Variants in CATSPER3 observed in about 807,000 individuals in gnomAD.
CATSPER3 encodes cation channel sperm associated 3, also known as cation channel sperm-associated protein 3.
In CATSPER3, 23 loss-of-function variants were observed where a neutral mutation model predicts 36.6. The ratio of observed to expected loss-of-function variants is 0.63; its 90% CI spans 0.45 to 0.89. The LOEUF (loss-of-function observed/expected upper bound fraction) is 0.89. CATSPER3 is among the 40% of genes least tolerant of loss of function. CATSPER3 has a pLI of 0.00. For synonymous variants in CATSPER3, 172 were observed against 184.1 expected, an observed-to-expected ratio of 0.93 and a Z score of 0.53; for missense variants, 474 against 503.9, an observed-to-expected ratio of 0.94 and a Z score of 0.57.
intron 3 of CATSPER3, 149 bp from the exon 4 acceptor site, chr5:135,007,808 A>ACCCCCC: frequency 1.2e-5 from 1 of 85,506 alleles, no homozygotes; most frequent in Non-Finnish European, 2.2e-5. Flanking sequence ...CAACCAACCC[A>ACCCCCC]CCCACCCACC....
rs772232918 is a variant in CATSPER3 at position 134,968,036 on chromosome 5, T to G, written c.45T>G (p.Ser15Arg). 6.2e-7 allele frequency: 1 copy of G among 1,614,092 alleles called. No homozygotes were observed. Among genetic ancestry groups the G allele is most frequent in the Non-Finnish European group, 8.5e-7 (1 of 1,179,964 alleles). ...AGCGCCACTCGAGAGTCATTTCTAG[T>G]TCACCAGTTGACACTACATCGGTGG... ...RHQRHSRVIS[S>R]SPVDTTSVGF... is the part of the protein sequence containing the mutation. Residue 15 changes from serine to arginine, a missense_variant, in exon 1 of 8, where the codon AGT becomes AGG. By Grantham distance (110) the Ser-to-Arg change is moderately radical. Coordinates refer to ENST00000282611, the MANE Select transcript of CATSPER3 (RefSeq NM_178019.3).
chr5:135,009,257 GA>G (rs1376827153), intron 5 of CATSPER3, 113 bp from the exon 6 acceptor site: 17 of 1,185,994 alleles, frequency 1.4e-5, no homozygotes, highest in African/African-American at 3.0e-5. Flanking sequence ...CCTGTGTGGG[GA>G]AAAGTGCTCC....
At chr5:134,974,136 C>T (rs531837326) in intron 2 of CATSPER3, among the ~76,000 whole-genome samples, 1 of 152,230 alleles carries the variant, frequency 6.6e-6, no homozygotes, top group East Asian at 1.9e-4. Flanking sequence ...AAGAACAGCA[C>T]CTCTAATCTT....
At chr5:135,003,730 G>A (rs1190288608) in intron 3 of CATSPER3, among the ~76,000 whole-genome samples, 2 of 152,234 alleles carry the variant, frequency 1.3e-5, no homozygotes, top group African/African-American at 4.8e-5. Flanking sequence ...GCAAGTCTCC[G>A]TGAGCATGGG....
chr5:134,969,915 A>C lies in CATSPER3; in HGVS notation c.99-24A>C, dbSNP rs765524134. 1.9e-6 allele frequency: 3 copies of C among 1,613,872 alleles called. No individual in the cohort carries two copies. The Admixed American group carries it at 5.0e-5, about 27-fold the overall frequency. ...TCTAGCTCTATTGTGCTGTAACCATACTTCACATTCAACTTTTTGACAGGA... is the reference window on the plus strand; with the variant it reads ...TCTAGCTCTATTGTGCTGTAACCATCCTTCACATTCAACTTTTTGACAGGA... On this transcript the variant is annotated intron_variant, in intron 1 of 7. Transcript: ENST00000282611.
rs149447999 is a variant in CATSPER3, at chr5:135,006,108, G to A, written c.493-1849G>A. On this transcript the variant is annotated intron_variant, in intron 3 of 7. Transcript: ENST00000282611. ...CAAAACTTAGAACTTCCTCAGGAGG[G>A]AGCTACTGGCCTAAGGGGAACTGGG... Among the ~76,000 whole-genome samples, 306 of 152,324 alleles carry A rather than the reference G, an allele frequency of 2.0e-3. 3 individuals are homozygous for A. The highest frequency in any genetic ancestry group is 3.4e-3 in the Middle Eastern group (1 of 294).
intron 3 of CATSPER3, among the ~76,000 whole-genome samples, chr5:135,003,918 C>T (rs967290471): frequency 2.6e-5 from 4 of 152,218 alleles, no homozygotes; most frequent in Admixed American, 6.5e-5. Context: ...GGCGATGCCT[C>T]GCCCTGCTTC....
chr5:134,969,255 C>T (rs1235904370), intron 1 of CATSPER3: 1 of 152,462 alleles, frequency 6.6e-6, no homozygotes, highest in Non-Finnish European at 1.5e-5. Flanking sequence ...TCAGGCTTTT[C>T]AAAAGAGCTG....
At chr5:134,994,930 C>T (rs1010564975) in intron 2 of CATSPER3, among the ~76,000 whole-genome samples, 1 of 151,134 alleles carries the variant, frequency 6.6e-6, no homozygotes. Context: ...TCCCTCCCTA[C>T]CTCCCTCCCT....
chr5:135,002,774 T>C (rs1327538515), intron 3 of CATSPER3, among the ~76,000 whole-genome samples: 1 of 152,218 alleles, frequency 6.6e-6, no homozygotes, highest in African/African-American at 2.4e-5. Flanking sequence ...ATGCATCGCG[T>C]AGTTCTCGTA....
intron 2 of CATSPER3, among the ~76,000 whole-genome samples, chr5:134,989,688 T>C (rs545178112): frequency 2.6e-5 from 4 of 152,356 alleles, no homozygotes; most frequent in South Asian, 2.1e-4. Flanking sequence ...TGGTTTGATC[T>C]GTACAGACTG....
chr5:134,981,098 CTTT>C (rs1751745289), intron 2 of CATSPER3, among the ~76,000 whole-genome samples: 1 of 151,326 alleles, frequency 6.6e-6, no homozygotes, highest in Non-Finnish European at 1.5e-5. Flanking sequence ...TCCCTTCCTT[CTTT>C]TGTTTCTTCT....
At chr5:134,970,692 C>T (rs921176202) in intron 2 of CATSPER3, among the ~76,000 whole-genome samples, 19 of 151,600 alleles carry the variant, frequency 1.3e-4, no homozygotes, top group African/African-American at 4.1e-4. Context: ...CTGCCTCAGC[C>T]GACTGAGTAG....
Position 135,010,464 on chromosome 5 carries a change from G to T in CATSPER3, c.1028G>T (p.Gly343Val). ...HTDPMVLDDF[G>V]TSLPFIDIYF... ...GACCCAATGGTCTTGGATGATTTTG[G>T]CACTAGCTTACCCTTCATCGATATC... is the stretch of plus-strand genomic sequence containing the variant. The change falls in exon 7 of 8, where the codon GGC (glycine) becomes GTC (valine). Residue 343 changes from glycine (G) to valine (V), a missense_variant. Coordinates refer to ENST00000282611, the MANE Select transcript of CATSPER3 (RefSeq NM_178019.3). 1 of 1,613,878 alleles carries T rather than the reference G, an allele frequency of 6.2e-7. No homozygotes were observed. Among genetic ancestry groups the T allele is most frequent in the African/African-American group, 1.3e-5 (1 of 75,038 alleles).
chr5:134,992,709 G>C (rs944087519), intron 2 of CATSPER3, among the ~76,000 whole-genome samples: 2 of 152,128 alleles, frequency 1.3e-5, no homozygotes, highest in Non-Finnish European at 2.9e-5. Flanking sequence ...CTGGGCAACA[G>C]AGCAAGACTC....
rs770384446 is a variant in CATSPER3 at position 134,996,330 on chromosome 5, G to A, written c.310G>A (p.Val104Met). The A allele has an allele frequency of 1.1e-5, 17 of 1,614,012 alleles. No homozygotes were observed. In the Admixed American group the frequency reaches 2.8e-4, roughly 27 times the overall value. The change falls in exon 3 of 8, where the codon GTG becomes ATG. Residue 104 changes from valine (V) to methionine (M), a missense_variant. Physicochemically the swap from Val to Met is conservative, Grantham distance 21 (BLOSUM62 1). Transcript: ENST00000282611. Reference protein sequence around the residue: ...CTSELSMKVYVDPINYWKNGY... With the variant: ...CTSELSMKVYMDPINYWKNGY... Reference sequence around the variant, plus strand: ...ATCTGAGTTGTCCATGAAGGTCTATGTGGACCCCATCAACTACTGGAAGAA... The same window carrying A: ...ATCTGAGTTGTCCATGAAGGTCTATATGGACCCCATCAACTACTGGAAGAA...
Position 134,969,626 on chromosome 5 carries a change from G to C in CATSPER3, c.99-313G>C, listed in dbSNP as rs115072996. ...TGCCTACTAGATTGCTTGATATGTA[G>C]TTGCCACTCAATAAAGATTTGTTGA... On this transcript the variant is annotated intron_variant, in intron 1 of 7. Transcript: ENST00000282611. 2.4e-3 allele frequency: 925 copies of C among 392,300 alleles called. 6 individuals carry two copies. Among genetic ancestry groups the C allele is most frequent in the African/African-American group, 0.017 (846 of 48,616 alleles). 24.3% of individuals were successfully genotyped at this position (392,300 alleles called of 1,614,324 possible).
intron 2 of CATSPER3, among the ~76,000 whole-genome samples, chr5:134,980,916 A>G (rs1181756524): frequency 2.6e-5 from 4 of 151,964 alleles, no homozygotes; most frequent in Non-Finnish European, 5.9e-5. Context: ...TTTTGTAGAT[A>G]CAGTATCTCA....
In CATSPER3 at chr5:134,968,050, C is replaced by A; in HGVS notation, c.59C>A (p.Thr20Asn). 6.2e-7 allele frequency: 1 copy of A among 1,613,954 alleles called. No homozygotes were observed. The highest frequency in any genetic ancestry group is 8.5e-7 in the Non-Finnish European group (1 of 1,179,798). Residue 20 changes from threonine to asparagine, a missense_variant, in exon 1 of 8, where the codon ACT becomes AAT. By Grantham distance (65) the Thr-to-Asn change is moderately conservative (BLOSUM62 0). Transcript: ENST00000282611. Reference protein sequence around the residue: ...SRVISSSPVDTTSVGFCPTFK... With the variant: ...SRVISSSPVDNTSVGFCPTFK... ...GTCATTTCTAGTTCACCAGTTGACA[C>A]TACATCGGTGGGATTTTGCCCAACA...
Sources: allele counts gnomAD v4.1 joint callset (sites outside exome capture counted in the v4.1 genomes callset), GRCh38; gene constraint gnomAD v4.1.1; transcripts MANE v1.5; gene names NCBI Gene and HGNC (gene_info 2026-07-23, HGNC 2026-07-21).